KDM4C: variants seen among roughly 807,000 people sequenced by gnomAD.
KDM4C encodes the protein lysine-specific demethylase 4C.
In KDM4C, 81 loss-of-function variants were observed where a neutral mutation model predicts 129.3. The observed-to-expected ratio is 0.63, with a 90% CI of 0.52 to 0.75. The LOEUF (loss-of-function observed/expected upper bound fraction) is 0.75. KDM4C is among the 30% of genes least tolerant of loss of function. The probability of loss-of-function intolerance (pLI) is 0.00; values close to 1 mark genes in which losing one functional copy is unlikely to be tolerated. For missense variants in KDM4C, 1,457 were observed against 1,304.0 expected (o/e 1.12, Z -1.81); for synonymous variants, 573 against 456.1 (o/e 1.26, Z -3.26).
chr9:7,065,644 T>A (rs959372939), intron 17 of KDM4C, among the ~76,000 whole-genome samples: 1 of 152,214 alleles, frequency 6.6e-6, no homozygotes, highest in Non-Finnish European at 1.5e-5. Flanking sequence ...CAATGATGAA[T>A]TGACCGTGTC....
At position 6,949,869 on chromosome 9, in the gene KDM4C, A is replaced by AT. The variant is rs961532936; in HGVS notation, c.922-31048dup. Among the ~76,000 whole-genome samples the AT allele has an allele frequency of 3.2e-4, 48 of 151,796 alleles. No homozygotes were observed. In the Middle Eastern group the frequency reaches 0.017, roughly 54 times the overall value. ...GACCGTGGGGAGAGGGAGAGGGACC[A>AT]TTTTTTTTGTTAATGAAGCCAAAGA... On this transcript the variant is annotated intron_variant, in intron 8 of 21. Transcript: ENST00000381309.
intron 1 of KDM4C, among the ~76,000 whole-genome samples, chr9:6,729,194 G>C (rs1272895730): frequency 4.2e-5 from 2 of 47,292 alleles, no homozygotes; most frequent in Admixed American, 7.9e-4. Context: ...ACAGAGCAAA[G>C]CTCCGTCTCC....
intron 8 of KDM4C, among the ~76,000 whole-genome samples, chr9:6,953,722 A>G (rs1206794639): frequency 6.6e-6 from 1 of 152,200 alleles, no homozygotes; most frequent in Non-Finnish European, 1.5e-5. Flanking sequence ...ATTTTTAAAA[A>G]CGTCAACTAT....
chr9:6,926,420 A>G (rs1264762258), intron 8 of KDM4C, among the ~76,000 whole-genome samples: 2 of 150,688 alleles, frequency 1.3e-5, no homozygotes, highest in African/African-American at 4.9e-5. Flanking sequence ...GTTCTGTGAG[A>G]GCTGGTTTTC....
intron 18 of KDM4C, among the ~76,000 whole-genome samples, chr9:7,112,044 C>G (rs1359716533): frequency 6.6e-6 from 1 of 152,064 alleles, no homozygotes; most frequent in Non-Finnish European, 1.5e-5. Flanking sequence ...CAATAGCTGT[C>G]TCTCACATGC....
At chr9:6,790,012 G>A (rs1389285029) in intron 1 of KDM4C, among the ~76,000 whole-genome samples, 1 of 148,138 alleles carries the variant, frequency 6.8e-6, no homozygotes, top group Non-Finnish European at 1.5e-5. Context: ...GGTGGCTCAC[G>A]CCTGTAATCC....
At chr9:7,035,491 T>C (rs1370724676) in intron 15 of KDM4C, among the ~76,000 whole-genome samples, 1 of 151,714 alleles carries the variant, frequency 6.6e-6, no homozygotes, top group African/African-American at 2.4e-5. Context: ...TTTCGCTTGA[T>C]ATATCCCATT....
intron 2 of KDM4C, among the ~76,000 whole-genome samples, chr9:6,799,337 C>T (rs938610728): frequency 1.3e-5 from 2 of 152,202 alleles, no homozygotes; most frequent in South Asian, 2.1e-4. Context: ...CCGAGGCTGG[C>T]GGATCACTCG....
rs1840489514 is a variant in KDM4C at position 6,859,293 on chromosome 9, TG to T, written c.629+9595del. 2.0e-5 allele frequency among the ~76,000 whole-genome samples: 3 copies of T among 151,824 alleles called. No individual in the cohort carries two copies. In the South Asian group the frequency reaches 6.2e-4, roughly 32 times the overall value. On this transcript the variant is annotated intron_variant, in intron 5 of 21. Coordinates refer to ENST00000381309, the MANE Select transcript of KDM4C (RefSeq NM_015061.6). ...GAGATCAAGACCATCCTGGCCAACG[TG>T]GTGAAACCCTGTCTCTGCTAAAACA...
At chr9:6,902,050 G>T (rs530210536) in intron 8 of KDM4C, among the ~76,000 whole-genome samples, 2 of 152,270 alleles carry the variant, frequency 1.3e-5, no homozygotes, top group South Asian at 4.2e-4. Flanking sequence ...TGGGTTTTTA[G>T]GGAGTTAAAT....
chr9:6,842,641 C>T (rs1234412667), intron 4 of KDM4C, among the ~76,000 whole-genome samples: 1 of 151,836 alleles, frequency 6.6e-6, no homozygotes, highest in East Asian at 1.9e-4. Context: ...AGGACTGATC[C>T]ACATGTTTTT....
intron 7 of KDM4C, among the ~76,000 whole-genome samples, chr9:6,890,628 CT>C (rs879912511): frequency 1.3e-3 from 189 of 144,580 alleles, no homozygotes; most frequent in Middle Eastern, 3.7e-3. Context: ...AACAGGTGCT[CT>C]TTTTTTTTTT....
At chr9:7,050,917 C>G (rs1830069797) in intron 17 of KDM4C, among the ~76,000 whole-genome samples, 1 of 152,202 alleles carries the variant, frequency 6.6e-6, no homozygotes, top group South Asian at 2.1e-4. Context: ...GCTTTCCTCA[C>G]AGTGCTGTGC....
chr9:6,764,786 C>T (rs1224968238), intron 1 of KDM4C, among the ~76,000 whole-genome samples: 2 of 152,164 alleles, frequency 1.3e-5, no homozygotes, highest in African/African-American at 4.8e-5. Flanking sequence ...GTGCTAATGA[C>T]TTCTTTTTTT....
chr9:6,768,396 A>C (rs372856507), intron 1 of KDM4C, among the ~76,000 whole-genome samples: 1 of 151,052 alleles, frequency 6.6e-6, no homozygotes, highest in East Asian at 1.9e-4. Flanking sequence ...GAGATATTCT[A>C]TATAAATTTA....
intron 1 of KDM4C, among the ~76,000 whole-genome samples, chr9:6,773,227 C>G (rs1822265475): frequency 1.3e-5 from 2 of 152,092 alleles, no homozygotes; most frequent in African/African-American, 4.8e-5. Context: ...ATCTCGAACT[C>G]CTGAGCTTAA....
At chr9:7,004,151 C>A (rs1277170430) in intron 12 of KDM4C, among the ~76,000 whole-genome samples, 2 of 152,192 alleles carry the variant, frequency 1.3e-5, no homozygotes, top group African/African-American at 4.8e-5. Context: ...CTGCTGAGTT[C>A]CATCCACAAG....
intron 8 of KDM4C, among the ~76,000 whole-genome samples, chr9:6,959,839 C>T (rs559861092): frequency 7.2e-5 from 11 of 152,126 alleles, no homozygotes; most frequent in South Asian, 2.1e-4. Flanking sequence ...AATTTATCAC[C>T]AGGCATGTTC....
At chr9:6,973,563 A>G (rs1832369382) in intron 8 of KDM4C, among the ~76,000 whole-genome samples, 1 of 152,240 alleles carries the variant, frequency 6.6e-6, no homozygotes, top group Non-Finnish European at 1.5e-5. Flanking sequence ...ACTCACACTC[A>G]AAATTAGTAT....
Sources: gnomAD v4.1 joint callset for allele counts (sites outside exome capture counted in the v4.1 genomes callset) on GRCh38, gnomAD v4.1.1 for gene constraint, MANE v1.5 for transcripts, NCBI Gene and HGNC (gene_info 2026-07-23, HGNC 2026-07-21) for gene names.